ZNRF3: variants seen among roughly 807,000 people sequenced by gnomAD.
The protein encoded by ZNRF3 is zinc and ring finger 3, also known as E3 ubiquitin-protein ligase ZNRF3.
A neutral mutation model predicts 72.5 loss-of-function variants in ZNRF3; 23 were observed. That is an observed-to-expected ratio of 0.32 (90% CI 0.23 to 0.45). The LOEUF (loss-of-function observed/expected upper bound fraction) is 0.45, where lower values mean the gene tolerates loss of function less well. ZNRF3 is among the 20% of genes least tolerant of loss of function. The pLI, the probability that ZNRF3 is intolerant of heterozygous loss-of-function variation, is 1.00. For synonymous variants in ZNRF3, 610 were observed against 545.3 expected, an observed-to-expected ratio of 1.12 and a Z score of -1.65; for missense variants, 1,169 against 1,272.1, an observed-to-expected ratio of 0.92 and a Z score of 1.23.
chr22:29,053,250 G>A (rs536433119), intron 8 of ZNRF3, among the ~76,000 whole-genome samples: 2 of 152,274 alleles, frequency 1.3e-5, no homozygotes, highest in African/African-American at 4.8e-5. Flanking sequence ...TTGTCTCAAG[G>A]TTCGTAATCT....
intron 1 of ZNRF3, among the ~76,000 whole-genome samples, chr22:28,964,942 C>T (rs1406150777): frequency 6.6e-6 from 1 of 152,162 alleles, no homozygotes; most frequent in Non-Finnish European, 1.5e-5. Flanking sequence ...ATACCTTTAC[C>T]AGCCGAATTA....
At chr22:29,007,981 C>T (rs2036288695) in intron 2 of ZNRF3, among the ~76,000 whole-genome samples, 1 of 152,006 alleles carries the variant, frequency 6.6e-6, no homozygotes, top group South Asian at 2.1e-4. Context: ...GTCTCGAACT[C>T]CCAATCTCAG....
rs571077869 is a variant in ZNRF3 at position 28,928,308 on chromosome 22, A to G, written c.300+44242A>G. Among the ~76,000 whole-genome samples, 7 of 152,146 alleles carry G rather than the reference A, an allele frequency of 4.6e-5. No individual in the cohort carries two copies. The East Asian group carries it at 1.2e-3, about 25-fold the overall frequency. On this transcript the variant is annotated intron_variant, in intron 1 of 8. Coordinates refer to ENST00000544604, the MANE Select transcript of ZNRF3 (RefSeq NM_001206998.2). Reference sequence around the variant, plus strand: ...ATTTTTTTTACCCGCGTTTTTACTCACTTTTTAAAACCACCTTTTTAGGCC... The same window carrying G: ...ATTTTTTTTACCCGCGTTTTTACTCGCTTTTTAAAACCACCTTTTTAGGCC...
chr22:29,013,450 A>G (rs984314943), intron 2 of ZNRF3, among the ~76,000 whole-genome samples: 1 of 152,202 alleles, frequency 6.6e-6, no homozygotes, highest in Non-Finnish European at 1.5e-5. Flanking sequence ...TAGATGCAAC[A>G]TTGATCCCTC....
Position 29,049,374 on chromosome 22 carries a change from C to G in ZNRF3, c.1193C>G (p.Thr398Ser), listed in dbSNP as rs752438027. 1 of 1,613,118 alleles carries G rather than the reference C, an allele frequency of 6.2e-7. No individual in the cohort carries two copies. The highest frequency in any genetic ancestry group is 2.2e-5 in the East Asian group (1 of 44,856). The change falls in exon 8 of 9, where the codon ACC becomes AGC. Residue 398 changes from threonine (T) to serine (S), a missense_variant. This residue lies in a region of ZNRF3 where 386 missense variants were observed against 540.7 expected (regional missense o/e 0.71). Transcript: ENST00000544604. The surrounding 1 kb of genome is among the most constrained non-coding windows in gnomAD (Gnocchi z 5.2). ...DSHGNPVTLL[T>S]MDRHGEQSLY... ...CACGGCAACCCCGTCACCTTGCTGA[C>G]CATGGACCGGCACGGGGAGCAGAGC...
chr22:29,011,293 C>A (rs1034798662), intron 2 of ZNRF3, among the ~76,000 whole-genome samples: 1 of 152,110 alleles, frequency 6.6e-6, no homozygotes, highest in Non-Finnish European at 1.5e-5. Context: ...AGGCTGGCTG[C>A]GGGGGTCCAG....
intron 8 of ZNRF3, among the ~76,000 whole-genome samples, chr22:29,052,272 C>T (rs2037220268): frequency 6.6e-6 from 1 of 152,242 alleles, no homozygotes; most frequent in Non-Finnish European, 1.5e-5. Context: ...GAGGCAATAA[C>T]CTCTGACTGA....
intron 4 of ZNRF3, among the ~76,000 whole-genome samples, chr22:29,043,631 C>T (rs930608741): frequency 2.0e-5 from 3 of 152,164 alleles, no homozygotes; most frequent in African/African-American, 7.2e-5. Flanking sequence ...AGAAATCCTA[C>T]CAGAAATAGA....
intron 1 of ZNRF3, among the ~76,000 whole-genome samples, chr22:28,976,427 C>G (rs2035675781): frequency 6.6e-6 from 1 of 152,110 alleles, no homozygotes; most frequent in Non-Finnish European, 1.5e-5. Context: ...GGGACTGAGT[C>G]AGGAGGAAGT....
chr22:28,967,038 C>A (rs1325100300), intron 1 of ZNRF3, among the ~76,000 whole-genome samples: 1 of 151,858 alleles, frequency 6.6e-6, no homozygotes, highest in African/African-American at 2.4e-5. Context: ...TGTCACCACG[C>A]CCATCTAATT....
At chr22:28,974,625 A>T (rs1188687838) in intron 1 of ZNRF3, among the ~76,000 whole-genome samples, 1 of 152,182 alleles carries the variant, frequency 6.6e-6, no homozygotes, top group Non-Finnish European at 1.5e-5. Flanking sequence ...TTTAGTTTTC[A>T]TCTAGATACA....
intron 1 of ZNRF3, among the ~76,000 whole-genome samples, chr22:28,940,243 G>A (rs1158211193): frequency 6.6e-6 from 1 of 152,174 alleles, no homozygotes; most frequent in Non-Finnish European, 1.5e-5. Context: ...TGAAGACAAG[G>A]CTAAATGAAT....
intron 1 of ZNRF3, among the ~76,000 whole-genome samples, chr22:28,963,916 A>G (rs986109487): frequency 1.3e-5 from 2 of 152,206 alleles, no homozygotes; most frequent in African/African-American, 4.8e-5. Context: ...CACAGTACCC[A>G]GCATCTAATG....
chr22:29,018,263 G>C, intron 2 of ZNRF3: 1 of 263,268 alleles, frequency 3.8e-6, no homozygotes, highest in South Asian at 3.9e-5. Context: ...GGATGCAAAG[G>C]GAGAGCCCAC....
At chr22:28,917,575 G>A in intron 1 of ZNRF3, 1 of 414,378 alleles carries the variant, frequency 2.4e-6, no homozygotes, top group Non-Finnish European at 3.2e-6. Context: ...ATAGCTGGGT[G>A]CCTATAGTCC....
rs563053361 is a variant in ZNRF3 at position 29,016,022 on chromosome 22, A to C, written c.427-26473A>C. Among the ~76,000 whole-genome samples the C allele has an allele frequency of 1.1e-4, 16 of 143,094 alleles. No homozygotes were observed. In the South Asian group the frequency reaches 1.9e-3, roughly 17 times the overall value. The allele number at this position is 143,094 out of a possible 152,430, so 93.9% of individuals were successfully genotyped here. A position where few individuals can be genotyped will look rare whatever the true frequency, so the allele number is the denominator to read the frequency against. The stretch of plus-strand genomic sequence containing the variant: ...CAAGAGTGAAACTGTCTCAAAAAAA[A>C]AAAAAAACAAAAAAACTGAAACTGG... On this transcript the variant is annotated intron_variant, in intron 2 of 8. Coordinates refer to ENST00000544604, the MANE Select transcript of ZNRF3 (RefSeq NM_001206998.2).
At chr22:28,900,540 A>G (rs933362641) in intron 1 of ZNRF3, among the ~76,000 whole-genome samples, 3 of 152,236 alleles carry the variant, frequency 2.0e-5, no homozygotes, top group Non-Finnish European at 4.4e-5. Flanking sequence ...TGCAGGTGGC[A>G]TCTGCTGTTC....
intron 2 of ZNRF3, among the ~76,000 whole-genome samples, chr22:29,028,196 T>G (rs1267229222): frequency 6.6e-6 from 1 of 152,162 alleles, no homozygotes; most frequent in African/African-American, 2.4e-5. Flanking sequence ...ACAATGGCAA[T>G]GAATATAACG....
rs557751897 is a variant in ZNRF3 at position 28,997,620 on chromosome 22, C to T, written c.426+10419C>T. Among the ~76,000 whole-genome samples the T allele has an allele frequency of 4.6e-5, 7 of 152,204 alleles. No individual in the cohort carries two copies. In the East Asian group the frequency reaches 1.2e-3, roughly 25 times the overall value. ...GCTGAACAGCTGAGGTGCAAGTGAT[C>T]GTTCTGTTCAGTAACAGCTGGGTTA... On this transcript the variant is annotated intron_variant, in intron 2 of 8. Transcript: ENST00000544604.
Sources: gnomAD v4.1 joint callset for allele counts (sites outside exome capture counted in the v4.1 genomes callset) on GRCh38, gnomAD v4.1.1 for gene constraint, gnomAD v4.1.1 regional missense constraint, Gnocchi (gnomAD v3.1) non-coding constraint, MANE v1.5 for transcripts, NCBI Gene and HGNC (gene_info 2026-07-23, HGNC 2026-07-21) for gene names.